The following MYO5B variants were observed in gnomAD, a reference collection of about 807,000 sequenced individuals.
MYO5B encodes unconventional myosin-Vb.
A neutral mutation model predicts 229.3 loss-of-function variants in MYO5B; 143 were observed. The ratio of observed to expected loss-of-function variants is 0.62; its 90% CI spans 0.54 to 0.72. The LOEUF is 0.72. MYO5B is among the 30% of genes least tolerant of loss of function. The probability of loss-of-function intolerance (pLI) is 0.00; values close to 1 mark genes in which losing one functional copy is unlikely to be tolerated. For synonymous variants in MYO5B, 918 were observed against 885.2 expected (o/e 1.04, Z -0.66); for missense variants, 2,321 against 2,331.0 (o/e 1.00, Z 0.09).
chr18:50,044,446 A>G (rs957140477), intron 2 of MYO5B, among the ~76,000 whole-genome samples: 5 of 152,130 alleles, frequency 3.3e-5, no homozygotes, highest in African/African-American at 4.8e-5. Context: ...AAAGGAGGCT[A>G]AATGTTAACA....
At chr18:50,093,365 TC>T (rs1189515111) in intron 1 of MYO5B, among the ~76,000 whole-genome samples, 1 of 152,210 alleles carries the variant, frequency 6.6e-6, no homozygotes, top group Non-Finnish European at 1.5e-5. Context: ...TAGAAGACTC[TC>T]CTACAGTAAC....
chr18:49,942,617 CTCA>C (rs1598900208), intron 14 of MYO5B, among the ~76,000 whole-genome samples: 1 of 151,894 alleles, frequency 6.6e-6, no homozygotes, highest in Non-Finnish European at 1.5e-5. Flanking sequence ...TGAAAAAATG[CTCA>C]TCATCACTGG....
At chr18:49,963,415 AATTT>A (rs1159034209) in intron 10 of MYO5B, among the ~76,000 whole-genome samples, 141 of 148,012 alleles carry the variant, frequency 9.5e-4, no homozygotes, top group African/African-American at 2.5e-3. Context: ...TTAATTAATT[AATTT>A]ATTTATTTAT....
chr18:49,967,087 C>A (rs890544202), intron 10 of MYO5B, among the ~76,000 whole-genome samples: 1 of 152,068 alleles, frequency 6.6e-6, no homozygotes, highest in Non-Finnish European at 1.5e-5. Context: ...AATATTTAAA[C>A]CAGAATCCTT....
intron 16 of MYO5B, among the ~76,000 whole-genome samples, chr18:49,935,149 G>A (rs1011382420): frequency 8.5e-5 from 13 of 152,186 alleles, no homozygotes; most frequent in African/African-American, 2.9e-4. Context: ...ACCAGGGTGA[G>A]GAACGTGCAT....
intron 21 of MYO5B, among the ~76,000 whole-genome samples, chr18:49,898,204 C>T (rs2024802019): frequency 6.6e-6 from 1 of 152,098 alleles, no homozygotes; most frequent in Non-Finnish European, 1.5e-5. Flanking sequence ...CATAAGGTAC[C>T]CCTGTCATTA....
At chr18:49,969,799 A>G (rs1256377044) in intron 10 of MYO5B, 1 of 152,232 alleles carries the variant, frequency 6.6e-6, no homozygotes, top group Admixed American at 6.5e-5. Flanking sequence ...AAATCCCAGG[A>G]AATCCTATGT....
intron 1 of MYO5B, among the ~76,000 whole-genome samples, chr18:50,092,108 A>G (rs2031459559): frequency 6.6e-6 from 1 of 152,232 alleles, no homozygotes; most frequent in Non-Finnish European, 1.5e-5. Flanking sequence ...GACAGAGACC[A>G]GGAAATGAAG....
chr18:49,886,295 C>T (rs2024641194), intron 22 of MYO5B, among the ~76,000 whole-genome samples: 1 of 152,144 alleles, frequency 6.6e-6, no homozygotes, highest in Non-Finnish European at 1.5e-5. Context: ...TTCAATCTTT[C>T]TTTCCCTTCA....
At chr18:50,120,880 C>T (rs75849505) in intron 1 of MYO5B, among the ~76,000 whole-genome samples, 3 of 152,278 alleles carry the variant, frequency 2.0e-5, no homozygotes, top group South Asian at 2.1e-4. Flanking sequence ...CTGACCTGCA[C>T]GCCATTTAAA....
At chr18:49,969,148 G>A (rs991269948) in intron 10 of MYO5B, among the ~76,000 whole-genome samples, 2 of 152,136 alleles carry the variant, frequency 1.3e-5, no homozygotes, top group Non-Finnish European at 2.9e-5. Context: ...GGGATCTTCT[G>A]GGCTGTCCAG....
intron 2 of MYO5B, among the ~76,000 whole-genome samples, chr18:50,049,040 A>G (rs998727226): frequency 3.6e-4 from 55 of 152,020 alleles, no homozygotes; most frequent in African/African-American, 1.3e-3. Context: ...AAAAAAAAAA[A>G]AAGTGTGAAG....
intron 2 of MYO5B, among the ~76,000 whole-genome samples, chr18:50,041,671 T>TA (rs1307127445): frequency 2.0e-5 from 3 of 151,870 alleles, no homozygotes; most frequent in Non-Finnish European, 4.4e-5. Flanking sequence ...GAACAAACAT[T>TA]AAAAAAAAAT....
intron 4 of MYO5B, among the ~76,000 whole-genome samples, chr18:50,028,473 T>C (rs1304046343): frequency 2.6e-5 from 4 of 151,504 alleles, no homozygotes; most frequent in Admixed American, 2.0e-4. Flanking sequence ...GCCATGCTCA[T>C]AAGGAATGGC....
chr18:49,875,923 G>C (rs2024517257), intron 25 of MYO5B, 96 bp from the exon 26 acceptor site: 1 of 1,390,252 alleles, frequency 7.2e-7, no homozygotes, highest in African/African-American at 1.4e-5. Context: ...TCAGCCATCT[G>C]TCTCCTCTCT....
At chr18:50,137,943 A>G (rs2032359849) in intron 1 of MYO5B, among the ~76,000 whole-genome samples, 1 of 152,248 alleles carries the variant, frequency 6.6e-6, no homozygotes, top group Non-Finnish European at 1.5e-5. Flanking sequence ...AATTATGAAC[A>G]CAAAGAAGGA....
chr18:50,124,115 G>A (rs1705532), intron 1 of MYO5B, among the ~76,000 whole-genome samples: 124,766 of 152,176 alleles, frequency 0.82, 51,466 homozygotes, highest in Admixed American at 0.87. Flanking sequence ...AAGTCACACT[G>A]CACCCTATGA....
At chr18:50,016,741 A>T (rs1366608033) in intron 4 of MYO5B, among the ~76,000 whole-genome samples, 1 of 152,134 alleles carries the variant, frequency 6.6e-6, no homozygotes, top group African/African-American at 2.4e-5. Context: ...AACCATCACA[A>T]TAGAACATTT....
intron 1 of MYO5B, among the ~76,000 whole-genome samples, chr18:50,082,264 G>A (rs529619452): frequency 6.6e-6 from 1 of 152,186 alleles, no homozygotes; most frequent in African/African-American, 2.4e-5. Context: ...ATTCCCTGTG[G>A]TTACTGGATT....
Sources: gnomAD v4.1 joint callset for allele counts (sites outside exome capture counted in the v4.1 genomes callset) on GRCh38, gnomAD v4.1.1 for gene constraint, MANE v1.5 for transcripts, NCBI Gene and HGNC (gene_info 2026-07-23, HGNC 2026-07-21) for gene names.